CCDC73: variants seen among roughly 807,000 people sequenced by gnomAD.
CCDC73 encodes the protein coiled-coil domain containing 73.
A neutral mutation model predicts 116.5 loss-of-function variants in CCDC73; 95 were observed. That is an observed-to-expected ratio of 0.82 (90% CI 0.69 to 0.97). The LOEUF is 0.97. Ranked by LOEUF, CCDC73 falls within the 50% of genes least tolerant of loss-of-function variation. CCDC73 has a pLI of 0.00. For missense variants in CCDC73, 1,066 were observed against 1,206.8 expected, an observed-to-expected ratio of 0.88 and a Z score of 1.73; for synonymous variants, 398 against 401.3, an observed-to-expected ratio of 0.99 and a Z score of 0.10.
chr11:32,812,301 C>T, the CCDC73 span, among the ~76,000 whole-genome samples: 2 of 152,158 alleles, frequency 1.3e-5, no homozygotes, highest in Non-Finnish European at 2.9e-5. Context: ...GGGAGGATCG[C>T]TTGAGGCCAG....
At chr11:32,622,402 C>T (rs940139930) in intron 14 of CCDC73, among the ~76,000 whole-genome samples, 2 of 152,022 alleles carry the variant, frequency 1.3e-5, no homozygotes, top group Non-Finnish European at 2.9e-5. Flanking sequence ...AGCAAACTAA[C>T]ACAGGAACAG....
chr11:32,807,773 G>GA, the CCDC73 span, among the ~76,000 whole-genome samples: 1 of 152,110 alleles, frequency 6.6e-6, no homozygotes, highest in Non-Finnish European at 1.5e-5. Context: ...ACTGTAGCCT[G>GA]AATTGTGCAA....
Position 32,685,023 on chromosome 11 carries a change from C to A in CCDC73, c.391-1449G>T, listed in dbSNP as rs1856183105. On this transcript the variant is annotated intron_variant, in intron 6 of 17. Coordinates refer to ENST00000335185, the MANE Select transcript of CCDC73 (RefSeq NM_001008391.4). The stretch of plus-strand genomic sequence containing the variant: ...AGTGGCTGACCAAGTTAAATGCCAA[C>A]CAGCCATGTATGAGTGTTCATCTTC... Among the ~76,000 whole-genome samples, 3 of 151,966 alleles carry A rather than the reference C, an allele frequency of 2.0e-5. No homozygotes were observed. In the South Asian group the frequency reaches 6.2e-4, roughly 31 times the overall value.
At chr11:32,661,909 C>T (rs1855932355) in intron 9 of CCDC73, among the ~76,000 whole-genome samples, 1 of 151,880 alleles carries the variant, frequency 6.6e-6, no homozygotes, top group African/African-American at 2.4e-5. Context: ...TGTTCAATTC[C>T]CACCTATGAG....
chr11:32,603,493 G>A (rs575765689), intron 17 of CCDC73: 1 of 152,556 alleles, frequency 6.6e-6, no homozygotes, highest in East Asian at 1.9e-4. Context: ...CTTATCCAGA[G>A]AGGCTTGTTG....
At chr11:32,799,738 G>A in the CCDC73 span, among the ~76,000 whole-genome samples, 1,100 of 152,270 alleles carry the variant, frequency 7.2e-3, 16 homozygotes, top group African/African-American at 0.025. Context: ...TTGTGAATAA[G>A]CACAGTGACT....
chr11:32,625,236 T>A (rs1347247213), intron 14 of CCDC73, among the ~76,000 whole-genome samples: 1 of 152,214 alleles, frequency 6.6e-6, no homozygotes, highest in Admixed American at 6.5e-5. Flanking sequence ...TTTATCCAAT[T>A]TGCCAGTCTG....
intron 3 of CCDC73, among the ~76,000 whole-genome samples, chr11:32,716,156 A>C (rs555823864): frequency 6.6e-6 from 1 of 152,180 alleles, no homozygotes; most frequent in Admixed American, 6.5e-5. Context: ...GAGGGAATGC[A>C]ACCAGGCAGT....
chr11:32,625,944 G>A (rs371592228), intron 14 of CCDC73, among the ~76,000 whole-genome samples: 5,458 of 106,584 alleles, frequency 0.051, 256 homozygotes, highest in African/African-American at 0.073. Context: ...CTCTCTCACC[G>A]TTCCTATTCA....
chr11:32,649,288 A>G (rs985743735), intron 12 of CCDC73, among the ~76,000 whole-genome samples: 1 of 152,214 alleles, frequency 6.6e-6, no homozygotes, highest in African/African-American at 2.4e-5. Flanking sequence ...AAATGACCCT[A>G]GTTAATACTA....
At chr11:32,609,280 T>G (rs1163748712) in intron 17 of CCDC73, among the ~76,000 whole-genome samples, 8 of 152,204 alleles carry the variant, frequency 5.3e-5, no homozygotes. Flanking sequence ...TTGAATGCTT[T>G]GCTGCTTAGA....
chr11:32,731,756 T>A (rs961087837), intron 2 of CCDC73, among the ~76,000 whole-genome samples: 1 of 152,190 alleles, frequency 6.6e-6, no homozygotes, highest in African/African-American at 2.4e-5. Flanking sequence ...AAATCCCATC[T>A]GTACATCACC....
At chr11:32,607,825 GGT>G (rs1855375452) in intron 17 of CCDC73, among the ~76,000 whole-genome samples, 1 of 147,980 alleles carries the variant, frequency 6.8e-6, no homozygotes, top group Non-Finnish European at 1.5e-5. Flanking sequence ...AAAAAAGATA[GGT>G]TTAACGGACT....
chr11:32,763,181 G>A (rs1308131579), intron 1 of CCDC73, among the ~76,000 whole-genome samples: 3 of 152,232 alleles, frequency 2.0e-5, no homozygotes, highest in African/African-American at 7.2e-5. Flanking sequence ...GCAAGGCATA[G>A]CCGAACAAAA....
At chr11:32,678,810 G>A (rs1416151903) in intron 7 of CCDC73, among the ~76,000 whole-genome samples, 3 of 151,368 alleles carry the variant, frequency 2.0e-5, no homozygotes, top group Non-Finnish European at 4.4e-5. Flanking sequence ...TTAAATCCAG[G>A]AGGCAGAGGT....
chr11:32,758,266 A>G (rs943143058), intron 2 of CCDC73: 3 of 427,018 alleles, frequency 7.0e-6, no homozygotes, highest in South Asian at 3.7e-5. Context: ...GATGCACTCA[A>G]AATGGTCCAG....
intron 6 of CCDC73, among the ~76,000 whole-genome samples, chr11:32,688,830 A>T (rs1856228423): frequency 1.3e-5 from 2 of 152,222 alleles, no homozygotes; most frequent in South Asian, 4.1e-4. Context: ...AATAAAAAAA[A>T]GTTAACATAC....
At chr11:32,718,752 T>C (rs1242456371) in intron 2 of CCDC73, among the ~76,000 whole-genome samples, 3 of 152,152 alleles carry the variant, frequency 2.0e-5, no homozygotes, top group Non-Finnish European at 2.9e-5. Context: ...AAGTCATCAC[T>C]AAAAATTCTA....
At chr11:32,666,601 C>A (rs760162474) in intron 9 of CCDC73, among the ~76,000 whole-genome samples, 4 of 152,152 alleles carry the variant, frequency 2.6e-5, no homozygotes, top group Admixed American at 2.0e-4. Flanking sequence ...GCGATGGGTT[C>A]GACCTTCCTC....
Sources: gnomAD v4.1 joint callset for allele counts (sites outside exome capture counted in the v4.1 genomes callset) on GRCh38, gnomAD v4.1.1 for gene constraint, MANE v1.5 for transcripts, NCBI Gene and HGNC (gene_info 2026-07-23, HGNC 2026-07-21) for gene names.